The following MYO10 variants were observed in gnomAD, a reference collection of about 807,000 sequenced individuals.
The protein encoded by MYO10 is unconventional myosin-X.
A neutral mutation model predicts 257.3 loss-of-function variants in MYO10; 133 were observed. The observed-to-expected ratio is 0.52, with a 90% confidence interval of 0.45 to 0.60. The LOEUF is 0.60. Ranked by LOEUF, MYO10 falls within the 20% of genes least tolerant of loss-of-function variation. MYO10 has a pLI of 0.00. For synonymous variants in MYO10, 1,104 were observed against 1,028.6 expected (o/e 1.07, Z -1.40); for missense variants, 2,399 against 2,635.7 (o/e 0.91, Z 1.97).
chr5:16,889,763 G>C (rs770671724), intron 1 of MYO10, among the ~76,000 whole-genome samples: 22 of 151,602 alleles, frequency 1.5e-4, no homozygotes, highest in Non-Finnish European at 2.6e-4. Flanking sequence ...GCAGTAGGAG[G>C]TACAGGACAG....
At chr5:16,733,278 G>A (rs1739659727) in intron 19 of MYO10, among the ~76,000 whole-genome samples, 1 of 152,174 alleles carries the variant, frequency 6.6e-6, no homozygotes, top group Middle Eastern at 3.2e-3. Context: ...AGTGCTGGAA[G>A]GGGCTTGAGA....
intron 1 of MYO10, among the ~76,000 whole-genome samples, chr5:16,927,964 A>G (rs1049955690): frequency 4.6e-5 from 7 of 152,206 alleles, no homozygotes; most frequent in African/African-American, 1.2e-4. Context: ...TGTCCTGTCA[A>G]TAACTGTTCC....
chr5:16,912,859 T>C (rs1186733444), intron 1 of MYO10, among the ~76,000 whole-genome samples: 1 of 133,820 alleles, frequency 7.5e-6, no homozygotes, highest in African/African-American at 2.9e-5. Flanking sequence ...CCATGGTACC[T>C]CCAAGATTGA....
intron 1 of MYO10, among the ~76,000 whole-genome samples, chr5:16,912,860 C>T (rs924505287): frequency 4.2e-5 from 6 of 143,154 alleles, no homozygotes; most frequent in Admixed American, 2.8e-4. Context: ...CATGGTACCT[C>T]CAAGATTGAA....
chr5:16,670,647 C>G lies in MYO10; in HGVS notation c.5762G>C (p.Arg1921Pro), dbSNP rs374423758. The change falls in exon 39 of 41, where the codon CGA becomes CCA. Residue 1921 changes from arginine to proline, a missense_variant. Arg to Pro is a moderately radical substitution (Grantham distance 103, BLOSUM62 -2). Around this residue, in one of 3 missense-constraint regions of MYO10, gnomAD observed 1,820 missense variants for 1,939.4 expected, o/e 0.94. Transcript: ENST00000513610. ...CCTCCACTTGTCAATGATACTGGCT[C>G]GAGCAGAGGAGACTTCTTCCTTAAT... ...MWIKEEVSSA[R>P]ASIIDKWRKF... 4.3e-6 allele frequency: 7 copies of G among 1,613,874 alleles called. No individual in the cohort carries two copies. Among genetic ancestry groups the G allele is most frequent in the Non-Finnish European group, 5.9e-6 (7 of 1,179,898 alleles).
intron 1 of MYO10, among the ~76,000 whole-genome samples, chr5:16,891,363 GGAAGGAAGGAAGGAAGGAGA>G (rs767504716): frequency 0.026 from 2,191 of 83,802 alleles, 31 homozygotes; most frequent in African/African-American, 0.055. Context: ...AAGGAAGGAA[GGAAGGAAGGAAGGAAGGAGA>G]GAGAGAGGAA....
chr5:16,682,075 G>A (rs1009604780), intron 30 of MYO10, 62 bp from the exon 31 acceptor site: 6 of 1,561,558 alleles, frequency 3.8e-6, no homozygotes, highest in Non-Finnish European at 5.2e-6. Flanking sequence ...TCACCTCTGT[G>A]TGAACCGAGA....
At chr5:16,814,620 A>G (rs1470839772) in intron 3 of MYO10, 1 of 152,152 alleles carries the variant, frequency 6.6e-6, no homozygotes, top group Non-Finnish European at 1.5e-5. Context: ...CTGTTCTGAC[A>G]GGTGGCGGTC....
At chr5:16,698,692 C>A (rs951176558) in intron 26 of MYO10, among the ~76,000 whole-genome samples, 1 of 137,212 alleles carries the variant, frequency 7.3e-6, no homozygotes, top group Non-Finnish European at 1.5e-5. Context: ...GGCGCGATCT[C>A]GGCTCACTGC....
chr5:16,694,294 T>C, intron 27 of MYO10, 77 bp downstream of exon 27: 1 of 1,590,744 alleles, frequency 6.3e-7, no homozygotes, highest in Admixed American at 1.7e-5. Flanking sequence ...TGCAAGGAAC[T>C]TGCACAGCAT....
chr5:16,826,581 G>A (rs996760761), intron 2 of MYO10, among the ~76,000 whole-genome samples: 4 of 152,194 alleles, frequency 2.6e-5, no homozygotes, highest in African/African-American at 7.2e-5. Flanking sequence ...GCTCCTGTGC[G>A]GGAGGAAGGA....
chr5:16,899,157 CTAGCGTG>C (rs1478077995), intron 1 of MYO10, among the ~76,000 whole-genome samples: 1 of 145,450 alleles, frequency 6.9e-6, no homozygotes, highest in Non-Finnish European at 1.5e-5. Flanking sequence ...AAAAAAAGTG[CTAGCGTG>C]TGAGCAAAGA....
chr5:16,783,278 G>A lies in MYO10; in HGVS notation c.602+57C>T. 3 of 1,461,472 alleles carry A rather than the reference G, an allele frequency of 2.1e-6. No homozygotes were observed. In the South Asian group the frequency reaches 4.0e-5, roughly 20 times the overall value. The allele number at this position is 1,461,472 out of a possible 1,614,324, so 90.5% of individuals were successfully genotyped here. ...CTAATTTTAACTCTTCTTTAAATAA[G>A]CCATACCATAAGGAAAGTGAATCCT... On this transcript the variant is annotated intron_variant, in intron 5 of 40. Coordinates refer to ENST00000513610, the MANE Select transcript of MYO10 (RefSeq NM_012334.3).
chr5:16,935,897 C>CGTGA lies in MYO10; in HGVS notation c.-90_-89insTCAC. On this transcript the variant is annotated 5_prime_UTR_variant, in exon 1 of 41. An upstream open reading frame in the 5' UTR loses its in-frame stop. Transcript: ENST00000513610. ...GGGTCCGGGGAAACCATGCGTGTCA[C>CGTGA]GGCGCCACTCCCGAGGACGCGCGCC... 3 of 1,530,204 alleles carry CGTGA rather than the reference C, an allele frequency of 2.0e-6. No homozygotes were observed. The highest frequency in any genetic ancestry group is 2.7e-6 in the Non-Finnish European group (3 of 1,124,696). 94.8% of individuals were successfully genotyped at this position (1,530,204 alleles called of 1,614,324 possible).
At chr5:16,874,125 C>A (rs1744524886) in intron 2 of MYO10, among the ~76,000 whole-genome samples, 1 of 151,928 alleles carries the variant, frequency 6.6e-6, no homozygotes, top group Non-Finnish European at 1.5e-5. Context: ...ACAAGGTCAG[C>A]AGATCGAGAC....
At chr5:16,679,905 T>C (rs1357115866) in intron 33 of MYO10, 42 bp downstream of exon 33, 8 of 1,596,028 alleles carry the variant, frequency 5.0e-6, no homozygotes, top group Admixed American at 1.7e-5. Flanking sequence ...GTAGAATCTC[T>C]GAGCTGTAAT....
rs746699378 is a variant in MYO10 at position 16,764,288 on chromosome 5, T to C, written c.1288A>G (p.Ile430Val). The C allele has an allele frequency of 5.6e-6, 9 of 1,613,926 alleles. No homozygotes were observed. The highest frequency in any genetic ancestry group is 3.3e-5 in the South Asian group (3 of 91,086). Reference protein sequence around the residue: ...RIKGNEDFKSIGILDIFGFEN... With the variant: ...RIKGNEDFKSVGILDIFGFEN... ...AATCCAAAGATGTCGAGGATGCCAA[T>C]AGACTTGAAGTCCTCATTGCCTTTG... is the stretch of plus-strand genomic sequence containing the variant. Residue 430 changes from isoleucine (I) to valine (V), a missense_variant, in exon 12 of 41, where the codon ATT (isoleucine) becomes GTT (valine). Ile to Val is a conservative substitution (Grantham distance 29). Transcript: ENST00000513610.
intron 19 of MYO10, among the ~76,000 whole-genome samples, chr5:16,737,832 T>A (rs1739866887): frequency 6.6e-6 from 1 of 152,026 alleles, no homozygotes; most frequent in South Asian, 2.1e-4. Context: ...CAACAAAGAA[T>A]AACCTGTCCA....
chr5:16,711,458 T>A (rs1172774970), intron 19 of MYO10, among the ~76,000 whole-genome samples: 3 of 152,080 alleles, frequency 2.0e-5, no homozygotes, highest in Non-Finnish European at 2.9e-5. Flanking sequence ...TCCTGCCCCA[T>A]CCACAAGCTA....
Sources: gnomAD v4.1 joint callset for allele counts (sites outside exome capture counted in the v4.1 genomes callset) on GRCh38, gnomAD v4.1.1 for gene constraint, gnomAD v4.1.1 regional missense constraint, MANE v1.5 for transcripts, NCBI Gene and HGNC (gene_info 2026-07-23, HGNC 2026-07-21) for gene names.